TULP4: variants seen among roughly 807,000 people sequenced by gnomAD.
TULP4 encodes the protein TUB like protein 4.
In TULP4, 16 loss-of-function variants were observed where a neutral mutation model predicts 129.0. The observed-to-expected ratio is 0.12, with a 90% confidence interval of 0.08 to 0.19. The LOEUF is 0.19. TULP4 is among the 10% of genes least tolerant of loss of function. The pLI is 1.00. For synonymous variants in TULP4, 998 were observed against 854.0 expected, an observed-to-expected ratio of 1.17 and a Z score of -2.94; for missense variants, 1,842 against 2,059.1, an observed-to-expected ratio of 0.89 and a Z score of 2.04.
chr6:158,245,900 A>T (rs1199964990), intron 1 of TULP4, among the ~76,000 whole-genome samples: 4 of 152,166 alleles, frequency 2.6e-5, no homozygotes, highest in Non-Finnish European at 4.4e-5. Flanking sequence ...CACCTAATAG[A>T]TGTTTGTTTA....
intron 1 of TULP4, among the ~76,000 whole-genome samples, chr6:158,234,417 C>T (rs1777650623): frequency 6.6e-6 from 1 of 152,110 alleles, no homozygotes; most frequent in Non-Finnish European, 1.5e-5. Context: ...CAGTGGGAAG[C>T]CCAGGTTTTC....
chr6:158,503,368 C>T lies in TULP4; in HGVS notation c.3705C>T (p.Leu1235=), dbSNP rs981817254. 3.1e-6 allele frequency: 5 copies of T among 1,613,818 alleles called. No individual in the cohort carries two copies. Among genetic ancestry groups the T allele is most frequent in the South Asian group, 2.2e-5 (2 of 91,088 alleles). ...VVLQPLYPPS[L]SYCTLPPMYP... is the part of the protein sequence containing the mutation. Reference sequence around the variant, plus strand: ...TTCAGCCGCTGTACCCACCCAGCCTCTCCTATTGCACCCTGCCCCCCATGT... The same window carrying T: ...TTCAGCCGCTGTACCCACCCAGCCTTTCCTATTGCACCCTGCCCCCCATGT... The change falls in exon 13 of 14, where the codon CTC becomes CTT. Residue 1235 remains leucine (L), a synonymous_variant. Transcript: ENST00000367097. The surrounding 1 kb of genome is among the most constrained non-coding windows in gnomAD (Gnocchi z 4.3).
At chr6:158,479,642 A>G (rs1033390055) in intron 6 of TULP4, 109 bp from the exon 7 acceptor site, 2 of 993,418 alleles carry the variant, frequency 2.0e-6, no homozygotes, top group African/African-American at 1.6e-5. Flanking sequence ...TAAAACCAGT[A>G]TTCTCAAAAC....
At chr6:158,278,985 G>A (rs1339405347), upstream of TULP4, among the ~76,000 whole-genome samples, 1 of 147,880 alleles carries the variant, frequency 6.8e-6, no homozygotes, top group Non-Finnish European at 1.5e-5. Flanking sequence ...TGTCCCCCAG[G>A]CTGGAGTGCA....
chr6:158,472,394 C>T (rs997807532), intron 6 of TULP4, among the ~76,000 whole-genome samples: 2 of 152,134 alleles, frequency 1.3e-5, no homozygotes, highest in African/African-American at 4.8e-5. Flanking sequence ...CCCTACAGTA[C>T]CTCAGCATTT....
At chr6:158,243,494 G>A (rs538506212) in intron 1 of TULP4, among the ~76,000 whole-genome samples, 2 of 150,858 alleles carry the variant, frequency 1.3e-5, no homozygotes, top group African/African-American at 4.9e-5. Context: ...TGCAAATAAG[G>A]TCCATACATT....
At chr6:158,461,494 A>T in intron 5 of TULP4, 69 bp from the exon 6 acceptor site, 1 of 1,485,600 alleles carries the variant, frequency 6.7e-7, no homozygotes, top group Non-Finnish European at 9.2e-7. Flanking sequence ...TACTGAAGAC[A>T]GTAGGCTTGC....
chr6:158,384,653 G>C (rs1777401157), intron 1 of TULP4, among the ~76,000 whole-genome samples: 1 of 152,114 alleles, frequency 6.6e-6, no homozygotes, highest in Non-Finnish European at 1.5e-5. Flanking sequence ...CCAAGTATTT[G>C]AATTTGTTTG....
At chr6:158,276,677 T>A (rs574273773) in intron 1 of TULP4, among the ~76,000 whole-genome samples, 6 of 152,152 alleles carry the variant, frequency 3.9e-5, no homozygotes, top group Non-Finnish European at 8.8e-5. Context: ...AGGGTCCCTT[T>A]GCCCAGCACT....
intron 6 of TULP4, among the ~76,000 whole-genome samples, chr6:158,478,009 A>G (rs1181544842): frequency 6.6e-6 from 1 of 152,218 alleles, no homozygotes; most frequent in Non-Finnish European, 1.5e-5. Context: ...CGTAGGAACA[A>G]AAAAACCAAA....
chr6:158,398,235 G>A (rs543597248), intron 1 of TULP4, among the ~76,000 whole-genome samples: 2 of 152,232 alleles, frequency 1.3e-5, no homozygotes, highest in African/African-American at 4.8e-5. Flanking sequence ...CTCTTTCAGC[G>A]GGTACTGTGG....
Position 158,503,015 on chromosome 6 carries a change from C to G in TULP4, c.3352C>G (p.Arg1118Gly). The G allele has an allele frequency of 6.2e-7, 1 of 1,614,100 alleles. No homozygotes were observed. Among genetic ancestry groups the G allele is most frequent in the African/African-American group, 1.3e-5 (1 of 75,042 alleles). ...PLPEAAVTLK[R>G]PPPYQWDPML... ...GCCTGAAGCTGCTGTCACCCTGAAACGGCCACCCCCTTACCAGTGGGACCC... is the reference window on the plus strand; with the variant it reads ...GCCTGAAGCTGCTGTCACCCTGAAAGGGCCACCCCCTTACCAGTGGGACCC... Residue 1118 changes from arginine to glycine, a missense_variant, in exon 13 of 14, where the codon CGG becomes GGG. Transcript: ENST00000367097. The surrounding 1 kb of genome is among the most constrained non-coding windows in gnomAD (Gnocchi z 4.3).
intron 1 of TULP4, among the ~76,000 whole-genome samples, chr6:158,315,983 C>T (rs1393806288): frequency 5.3e-5 from 8 of 152,234 alleles, no homozygotes; most frequent in South Asian, 4.1e-4. Flanking sequence ...GATCCTAGCA[C>T]GCCCCTCCTG....
chr6:158,314,325 T>C, intron 1 of TULP4, 57 bp downstream of exon 1: 1 of 1,570,900 alleles, frequency 6.4e-7, no homozygotes, highest in Admixed American at 1.8e-5. Context: ...TTTGAGCCCC[T>C]TGTGGACTTG....
chr6:158,280,837 A>T (rs1293578156), upstream of TULP4, among the ~76,000 whole-genome samples: 1 of 152,266 alleles, frequency 6.6e-6, no homozygotes, highest in Non-Finnish European at 1.5e-5. Context: ...TGCTTAGCAC[A>T]GTGCCTGGGA....
chr6:158,312,720 T>C lies in TULP4; in HGVS notation c.-1297T>C, dbSNP rs1779388195. 6.6e-6 allele frequency: 1 copy of C among 152,304 alleles called. No homozygotes were observed. The highest frequency in any genetic ancestry group is 2.1e-4 in the South Asian group (1 of 4,824). The allele number at this position is 152,304 out of a possible 1,614,324, so 9.4% of individuals were successfully genotyped here. On this transcript the variant is annotated 5_prime_UTR_variant, in exon 1 of 14. Transcript: ENST00000367097. Reference sequence around the variant, plus strand: ...GCATCTATAGGATAATATTGTAAAATAGCAATTGAAACCAATAATTATTAA... The same window carrying C: ...GCATCTATAGGATAATATTGTAAAACAGCAATTGAAACCAATAATTATTAA...
intron 1 of TULP4, among the ~76,000 whole-genome samples, chr6:158,299,104 C>T (rs1470572435): frequency 1.3e-5 from 2 of 151,746 alleles, no homozygotes; most frequent in Non-Finnish European, 2.9e-5. Flanking sequence ...GTGTTCTGGG[C>T]TCGGAATGGG....
At chr6:158,422,853 C>G (rs1778379684) in intron 2 of TULP4, among the ~76,000 whole-genome samples, 2 of 152,248 alleles carry the variant, frequency 1.3e-5, no homozygotes, top group Admixed American at 6.5e-5. Flanking sequence ...CAAGGATGTT[C>G]CACACACGTG....
At chr6:158,365,672 C>T (rs1341862804) in intron 1 of TULP4, among the ~76,000 whole-genome samples, 2 of 151,342 alleles carry the variant, frequency 1.3e-5, no homozygotes, top group Admixed American at 6.6e-5. Context: ...GGGGTTTCAC[C>T]ATGTTAGCCA....
Sources: allele counts gnomAD v4.1 joint callset (sites outside exome capture counted in the v4.1 genomes callset), GRCh38; gene constraint gnomAD v4.1.1; non-coding constraint Gnocchi (gnomAD v3.1); transcripts MANE v1.5; gene names NCBI Gene and HGNC (gene_info 2026-07-23, HGNC 2026-07-21).